The following CAMTA1 variants were observed in gnomAD, a reference collection of about 807,000 sequenced individuals.
CAMTA1 encodes the protein calmodulin-binding transcription activator 1.
A neutral mutation model predicts 170.9 loss-of-function variants in CAMTA1; 27 were observed. The ratio of observed to expected loss-of-function variants is 0.16; its 90% confidence interval spans 0.12 to 0.22. The LOEUF is 0.22. Ranked by LOEUF, CAMTA1 falls within the 10% of genes least tolerant of loss-of-function variation. The pLI, the probability that CAMTA1 is intolerant of heterozygous loss-of-function variation, is 1.00. For missense variants in CAMTA1, 1,619 were observed against 2,217.2 expected, an observed-to-expected ratio of 0.73 and a Z score of 5.42; for synonymous variants, 833 against 891.5, an observed-to-expected ratio of 0.93 and a Z score of 1.17.
chr1:7,102,660 A>G (rs1642882023), intron 4 of CAMTA1, among the ~76,000 whole-genome samples: 1 of 152,140 alleles, frequency 6.6e-6, no homozygotes, highest in East Asian at 1.9e-4. Context: ...TGCACCGTGA[A>G]ATGTGCTATT....
At chr1:6,935,794 G>A (rs1413419059) in intron 3 of CAMTA1, among the ~76,000 whole-genome samples, 1 of 152,170 alleles carries the variant, frequency 6.6e-6, no homozygotes, top group Middle Eastern at 3.2e-3. Flanking sequence ...CTGCAGGCAC[G>A]GAAATCACTG....
intron 5 of CAMTA1, among the ~76,000 whole-genome samples, chr1:7,334,331 C>T (rs1250121663): frequency 1.3e-5 from 2 of 152,216 alleles, no homozygotes; most frequent in Non-Finnish European, 2.9e-5. Context: ...CCTCTCCATT[C>T]CTTGGCAACA....
chr1:6,989,898 G>A (rs1696064334), intron 3 of CAMTA1, among the ~76,000 whole-genome samples: 1 of 152,190 alleles, frequency 6.6e-6, no homozygotes, highest in Non-Finnish European at 1.5e-5. Flanking sequence ...TGGAGGAATA[G>A]AGGGAAAGGG....
Position 7,680,543 on chromosome 1 carries a change from G to A in CAMTA1, c.2914+2810G>A, listed in dbSNP as rs1229852931. On this transcript the variant is annotated intron_variant, in intron 11 of 22. Transcript: ENST00000303635. The surrounding 1 kb of genome is among the most constrained non-coding windows in gnomAD (Gnocchi z 4.4). ...GGCGGCGCCGCGCCCCGCGGGGTCT[G>A]GGGCCCCAGCAGGGACTGCGAGGAC... Among the ~76,000 whole-genome samples the A allele has an allele frequency of 5.9e-5, 9 of 151,604 alleles. No individual in the cohort carries two copies. The highest frequency in any genetic ancestry group is 1.2e-4 in the Non-Finnish European group (8 of 67,856).
chr1:7,277,462 T>TGTGTG (rs1372909766), intron 5 of CAMTA1, among the ~76,000 whole-genome samples: 8 of 138,162 alleles, frequency 5.8e-5, no homozygotes, highest in African/African-American at 2.0e-4. Flanking sequence ...CAATGGTGTG[T>TGTGTG]GTGTGTGTGT....
intron 3 of CAMTA1, among the ~76,000 whole-genome samples, chr1:6,844,690 CA>C (rs1180942073): frequency 0.075 from 3,930 of 52,118 alleles, 53 homozygotes; most frequent in African/African-American, 0.18. Flanking sequence ...ACCCTGTGTC[CA>C]AAAAAAAAAA....
At chr1:7,236,946 C>A (rs1009574774) in intron 4 of CAMTA1, among the ~76,000 whole-genome samples, 2 of 152,220 alleles carry the variant, frequency 1.3e-5, no homozygotes, top group Non-Finnish European at 2.9e-5. Context: ...GGAATAGTGT[C>A]CACTCTTCTA....
intron 5 of CAMTA1, among the ~76,000 whole-genome samples, chr1:7,350,711 G>C (rs1024280261): frequency 1.3e-5 from 2 of 152,096 alleles, no homozygotes; most frequent in Non-Finnish European, 2.9e-5. Flanking sequence ...TTTAATAAAA[G>C]GAAGTCATAT....
At chr1:7,520,839 A>G (rs1273735572) in intron 6 of CAMTA1, among the ~76,000 whole-genome samples, 1 of 152,188 alleles carries the variant, frequency 6.6e-6, no homozygotes, top group South Asian at 2.1e-4. Context: ...TTCCCCAGGT[A>G]TCCATAGAAC....
intron 5 of CAMTA1, among the ~76,000 whole-genome samples, chr1:7,407,217 G>C (rs768469239): frequency 6.6e-6 from 1 of 152,198 alleles, no homozygotes; most frequent in Non-Finnish European, 1.5e-5. Context: ...AGCACCTGTC[G>C]ACTGGCAAGG....
At chr1:7,104,136 C>T (rs1402386197) in intron 4 of CAMTA1, among the ~76,000 whole-genome samples, 2 of 87,262 alleles carry the variant, frequency 2.3e-5, no homozygotes, top group African/African-American at 4.9e-5. Flanking sequence ...CATAACTACA[C>T]ACGTACACAC....
chr1:7,320,662 T>G (rs1260957052), intron 5 of CAMTA1, among the ~76,000 whole-genome samples: 1 of 149,840 alleles, frequency 6.7e-6, no homozygotes, highest in Non-Finnish European at 1.5e-5. Flanking sequence ...TTTTTTTTTT[T>G]TTTTTTTTTT....
rs553227379 is a variant in CAMTA1, at chr1:7,014,658, A to G, written c.235-76646A>G. 4.6e-5 allele frequency among the ~76,000 whole-genome samples: 7 copies of G among 152,108 alleles called. No homozygotes were observed. Among genetic ancestry groups the G allele is most frequent in the Non-Finnish European group, 1.0e-4 (7 of 68,026 alleles). ...GTCTGGAATTGTTTCTCATAACCCA[A>G]CGCTTGGCTTGGTTTCAAAAAGGAA... On this transcript the variant is annotated intron_variant, in intron 3 of 22. Coordinates refer to ENST00000303635, the MANE Select transcript of CAMTA1 (RefSeq NM_015215.4). The surrounding 1 kb of genome is among the most constrained non-coding windows in gnomAD (Gnocchi z 4.2).
chr1:6,877,782 T>C (rs1464774947), intron 3 of CAMTA1, among the ~76,000 whole-genome samples: 5 of 152,180 alleles, frequency 3.3e-5, no homozygotes, highest in African/African-American at 9.7e-5. Flanking sequence ...TTTATACCTC[T>C]AAGCCTTTCG....
At chr1:7,703,322 T>A (rs1427372652) in intron 11 of CAMTA1, among the ~76,000 whole-genome samples, 2 of 151,300 alleles carry the variant, frequency 1.3e-5, no homozygotes, top group African/African-American at 2.4e-5. Flanking sequence ...GGGCGAGGGG[T>A]AGACAGGTGC....
At chr1:7,038,306 G>GT (rs751974411) in intron 3 of CAMTA1, among the ~76,000 whole-genome samples, 2 of 152,182 alleles carry the variant, frequency 1.3e-5, no homozygotes, top group Non-Finnish European at 2.9e-5. Context: ...TCATTGCAAA[G>GT]TAACCTAAAT....
chr1:7,272,724 A>G (rs1201337900), intron 5 of CAMTA1, among the ~76,000 whole-genome samples: 1 of 149,770 alleles, frequency 6.7e-6, no homozygotes, highest in African/African-American at 2.5e-5. Context: ...AAAGAAAAGA[A>G]AAGAAAAGAA....
rs573683168 is a variant in CAMTA1, at chr1:7,047,428, C to T, written c.235-43876C>T. On this transcript the variant is annotated intron_variant, in intron 3 of 22. Transcript: ENST00000303635. ...AATTCCAGATGGAGGAACTGGCACA[C>T]GCAGGACCTGAAGGATAAGGTCTCT... Among the ~76,000 whole-genome samples the T allele has an allele frequency of 5.7e-4, 87 of 152,294 alleles. 2 individuals are homozygous for T. In the South Asian group the frequency reaches 1.0e-2, roughly 17 times the overall value.
intron 5 of CAMTA1, among the ~76,000 whole-genome samples, chr1:7,403,259 C>A (rs992400954): frequency 5.9e-5 from 9 of 152,224 alleles, no homozygotes; most frequent in South Asian, 4.2e-4. Context: ...GAGGCTGAGA[C>A]AGGAGAATCG....
Sources: gnomAD v4.1 joint callset for allele counts (sites outside exome capture counted in the v4.1 genomes callset) on GRCh38, gnomAD v4.1.1 for gene constraint, Gnocchi (gnomAD v3.1) non-coding constraint, MANE v1.5 for transcripts, NCBI Gene and HGNC (gene_info 2026-07-23, HGNC 2026-07-21) for gene names.